Variants in PCDHGA12 observed in about 807,000 individuals in gnomAD.
The protein encoded by PCDHGA12 is protocadherin gamma-A12.
In PCDHGA12, 43 loss-of-function variants were observed where a neutral mutation model predicts 61.1. That is an observed-to-expected ratio of 0.70 (90% confidence interval 0.55 to 0.91). The LOEUF (loss-of-function observed/expected upper bound fraction) is 0.91, where lower values mean the gene tolerates loss of function less well. Among genes scored for constraint, PCDHGA12 ranks in the 40% least tolerant of loss-of-function variants. The probability of loss-of-function intolerance (pLI) is 0.00; values close to 1 mark genes in which losing one functional copy is unlikely to be tolerated. For missense variants in PCDHGA12, 1,236 were observed against 1,227.7 expected (o/e 1.01, Z -0.10); for synonymous variants, 520 against 542.9 (o/e 0.96, Z 0.59).
intron 3 of PCDHGA12, among the ~76,000 whole-genome samples, chr5:141,509,568 C>T (rs535982453): frequency 3.3e-5 from 5 of 152,336 alleles, no homozygotes; most frequent in Admixed American, 2.0e-4. Flanking sequence ...GCAGCCTTCA[C>T]AGTGCGTACA....
Position 141,489,351 on chromosome 5 carries a change from G to A in PCDHGA12, c.2425-5456G>A, listed in dbSNP as rs2099685862. ...GGCAGCTTCGTTACTCAGTGGTGGAGGAGTCTGAGCCGGGGACGCTGGTGG... is the reference window on the plus strand; with the variant it reads ...GGCAGCTTCGTTACTCAGTGGTGGAAGAGTCTGAGCCGGGGACGCTGGTGG... On this transcript the variant is annotated intron_variant, in intron 1 of 3. Transcript: ENST00000252085. This position sits in a 1 kb window ranked among gnomAD's most constrained non-coding sequence, Gnocchi z 4.5. The A allele has an allele frequency of 6.2e-7, 1 of 1,612,202 alleles. No individual in the cohort carries two copies. The highest frequency in any genetic ancestry group is 1.3e-5 in the African/African-American group (1 of 75,006).
In PCDHGA12 at chr5:141,432,896, G is replaced by A. The variant is rs2097547014; in HGVS notation, c.2137G>A (p.Ala713Thr). Residue 713 changes from alanine to threonine, a missense_variant, in exon 1 of 4, where the codon GCG becomes ACG. Transcript: ENST00000252085. This position sits in a 1 kb window ranked among gnomAD's most constrained non-coding sequence, Gnocchi z 6.0. Reference protein sequence around the residue: ...VFLAFVILLLALRLRRWHKSR... With the variant: ...VFLAFVILLLTLRLRRWHKSR... ...CCTGGCCTTCGTCATCTTGCTGCTG[G>A]CGCTCAGGCTGCGGCGCTGGCACAA... is the stretch of plus-strand genomic sequence containing the variant. 6.2e-7 allele frequency: 1 copy of A among 1,614,056 alleles called. No homozygotes were observed. Among genetic ancestry groups the A allele is most frequent in the African/African-American group, 1.3e-5 (1 of 74,946 alleles).
intron 1 of PCDHGA12, chr5:141,440,019 G>A (rs747595475): frequency 6.5e-5 from 10 of 153,114 alleles, no homozygotes; most frequent in Non-Finnish European, 8.8e-5. Flanking sequence ...AAGGATCTGG[G>A]ACTCAGTGTC....
chr5:141,481,053 A>T (rs2099530801), intron 1 of PCDHGA12, among the ~76,000 whole-genome samples: 1 of 152,104 alleles, frequency 6.6e-6, no homozygotes, highest in Non-Finnish European at 1.5e-5. Flanking sequence ...GCGAGACTCC[A>T]CCTCAAAAAC....
At chr5:141,505,816 C>A (rs1236221927) in intron 3 of PCDHGA12, among the ~76,000 whole-genome samples, 2 of 152,178 alleles carry the variant, frequency 1.3e-5, no homozygotes, top group African/African-American at 4.8e-5. Flanking sequence ...CTTGCTCAAT[C>A]TCTCTAAACC....
chr5:141,433,352 T>C (rs976015031), intron 1 of PCDHGA12, 169 bp downstream of exon 1: 16 of 614,162 alleles, frequency 2.6e-5, no homozygotes, highest in Non-Finnish European at 3.7e-5. Flanking sequence ...AGCCACCTAC[T>C]GTCTGCCTAT....
At chr5:141,480,745 C>T (rs528415324) in intron 1 of PCDHGA12, among the ~76,000 whole-genome samples, 1 of 152,278 alleles carries the variant, frequency 6.6e-6, no homozygotes, top group Non-Finnish European at 1.5e-5. Flanking sequence ...ACATAGGCAT[C>T]ATTTTTTGAA....
intron 3 of PCDHGA12, among the ~76,000 whole-genome samples, chr5:141,508,855 C>T (rs2099872444): frequency 6.6e-6 from 1 of 152,020 alleles, no homozygotes; most frequent in Non-Finnish European, 1.5e-5. Flanking sequence ...CATTCCCAGG[C>T]TGGGAAAGGC....
At chr5:141,438,960 C>A (rs1398478011) in intron 1 of PCDHGA12, among the ~76,000 whole-genome samples, 1 of 151,940 alleles carries the variant, frequency 6.6e-6, no homozygotes, top group Non-Finnish European at 1.5e-5. Flanking sequence ...GCCACCGCAC[C>A]CTGCCAACTG....
chr5:141,477,031 A>G lies in PCDHGA12; in HGVS notation c.2425-17776A>G. 2 of 1,614,248 alleles carry G rather than the reference A, an allele frequency of 1.2e-6. No homozygotes were observed. The highest frequency in any genetic ancestry group is 2.2e-5 in the East Asian group (1 of 44,880). On this transcript the variant is annotated intron_variant, in intron 1 of 3. Transcript: ENST00000252085. This position sits in a 1 kb window ranked among gnomAD's most constrained non-coding sequence, Gnocchi z 4.9. ...TAGACCTTGTAACCGGGATGCTGAC[A>G]ATCAAGGGTCGGCTGGACTTCGAGG...
intron 1 of PCDHGA12, among the ~76,000 whole-genome samples, chr5:141,446,174 G>A (rs1242027176): frequency 1.3e-5 from 2 of 152,062 alleles, no homozygotes; most frequent in Non-Finnish European, 2.9e-5. Context: ...GAGGGCAGGG[G>A]GTGTTTTGTT....
intron 2 of PCDHGA12, among the ~76,000 whole-genome samples, chr5:141,504,351 G>C (rs77439649): frequency 0.021 from 3,233 of 152,120 alleles, 109 homozygotes; most frequent in African/African-American, 0.075. Context: ...CTTTGTGCTA[G>C]GTGCTTCAGT....
chr5:141,490,882 A>G lies in PCDHGA12; in HGVS notation c.2425-3925A>G, dbSNP rs758716907. ...CGGCTCTCCCCCATTGCATGCCAAC[A>G]CATCTCTGCATGTGTTTGTCCTAGA... On this transcript the variant is annotated intron_variant, in intron 1 of 3. Coordinates refer to ENST00000252085, the MANE Select transcript of PCDHGA12 (RefSeq NM_003735.3). This position sits in a 1 kb window ranked among gnomAD's most constrained non-coding sequence, Gnocchi z 5.4. 6.2e-7 allele frequency: 1 copy of G among 1,613,848 alleles called. No individual in the cohort carries two copies. Among genetic ancestry groups the G allele is most frequent in the Non-Finnish European group, 8.5e-7 (1 of 1,179,920 alleles).
At chr5:141,501,366 T>G (rs1297210978) in intron 2 of PCDHGA12, among the ~76,000 whole-genome samples, 1 of 150,672 alleles carries the variant, frequency 6.6e-6, no homozygotes, top group Non-Finnish European at 1.5e-5. Flanking sequence ...ACCATATTCA[T>G]CATCTCTTAA....
chr5:141,439,150 G>A (rs971023726), intron 1 of PCDHGA12, among the ~76,000 whole-genome samples: 7 of 149,122 alleles, frequency 4.7e-5, no homozygotes, highest in South Asian at 2.1e-4. Flanking sequence ...CTGAGATCAC[G>A]CCACTGCACT....
rs777925358 is a variant in PCDHGA12 at position 141,477,657 on chromosome 5, G to T, written c.2425-17150G>T. ...GTGGGTCGCTATTTCACAATAAATC[G>T]TGACAATGGCATAGTGTCATCCTTA... On this transcript the variant is annotated intron_variant, in intron 1 of 3. Transcript: ENST00000252085. This position sits in a 1 kb window ranked among gnomAD's most constrained non-coding sequence, Gnocchi z 4.9. 6.8e-6 allele frequency: 11 copies of T among 1,614,072 alleles called. No individual in the cohort carries two copies. Among genetic ancestry groups the T allele is most frequent in the South Asian group, 2.2e-5 (2 of 91,090 alleles).
chr5:141,433,460 T>C (rs892333304), intron 1 of PCDHGA12, among the ~76,000 whole-genome samples: 1 of 152,064 alleles, frequency 6.6e-6, no homozygotes, highest in Non-Finnish European at 1.5e-5. Context: ...GATCTGAAAC[T>C]TGGGCTCAGG....
In PCDHGA12 at chr5:141,489,087, T is replaced by A. The variant is rs2099682381; in HGVS notation, c.2425-5720T>A. ...CCCCCTGCCCACCCCCGCCACTCGG[T>A]GACTAAGAACTGCTGCAAGCAGGCA... is the stretch of plus-strand genomic sequence containing the variant. On this transcript the variant is annotated intron_variant, in intron 1 of 3. Coordinates refer to ENST00000252085, the MANE Select transcript of PCDHGA12 (RefSeq NM_003735.3). This position sits in a 1 kb window ranked among gnomAD's most constrained non-coding sequence, Gnocchi z 4.5. The A allele has an allele frequency of 4.6e-6, 1 of 216,106 alleles. No individual in the cohort carries two copies. Among genetic ancestry groups the A allele is most frequent in the Non-Finnish European group, 8.4e-6 (1 of 118,734 alleles). 13.4% of individuals were successfully genotyped at this position (216,106 alleles called of 1,614,324 possible). A position where few individuals can be genotyped will look rare whatever the true frequency, so the allele number is the denominator to read the frequency against.
chr5:141,507,487 G>A (rs889348168), intron 3 of PCDHGA12, among the ~76,000 whole-genome samples: 1 of 152,204 alleles, frequency 6.6e-6, no homozygotes, highest in African/African-American at 2.4e-5. Context: ...GCCTCCTGAG[G>A]CAGAGCTGTC....
Sources: gnomAD v4.1 joint callset for allele counts (sites outside exome capture counted in the v4.1 genomes callset) on GRCh38, gnomAD v4.1.1 for gene constraint, Gnocchi (gnomAD v3.1) non-coding constraint, MANE v1.5 for transcripts, NCBI Gene and HGNC (gene_info 2026-07-23, HGNC 2026-07-21) for gene names.